CTTNBP2: variants seen among roughly 807,000 people sequenced by gnomAD.
CTTNBP2 encodes cortactin binding protein 2, also known as cortactin-binding protein 2.
CTTNBP2 carries 108 observed loss-of-function variants against 156.9 expected under a neutral mutation model. That is an observed-to-expected ratio of 0.69 (90% CI 0.59 to 0.81). The LOEUF is 0.81. CTTNBP2 is among the 30% of genes least tolerant of loss of function. The pLI is 0.00. For synonymous variants in CTTNBP2, 767 were observed against 751.8 expected (o/e 1.02, Z -0.33); for missense variants, 1,924 against 2,035.4 (o/e 0.95, Z 1.05).
intron 21 of CTTNBP2, 22 bp from the exon 22 acceptor site, chr7:117,718,141 C>T (rs751147042): frequency 2.7e-5 from 40 of 1,477,652 alleles, no homozygotes; most frequent in South Asian, 3.4e-5. Context: ...AGAATTTGCC[C>T]GGTCATGTCT....
intron 16 of CTTNBP2, among the ~76,000 whole-genome samples, chr7:117,729,482 C>T (rs1436338724): frequency 6.6e-6 from 1 of 152,020 alleles, no homozygotes; most frequent in Non-Finnish European, 1.5e-5. Flanking sequence ...GTGTGTATGC[C>T]TACTATGTAT....
chr7:117,860,498 A>T (rs950831236), intron 2 of CTTNBP2, among the ~76,000 whole-genome samples: 4 of 151,952 alleles, frequency 2.6e-5, no homozygotes, highest in Admixed American at 6.5e-5. Context: ...GCCCGCCACC[A>T]TGCCCGGCTA....
chr7:117,795,087 G>A (rs1168732349), intron 3 of CTTNBP2, among the ~76,000 whole-genome samples: 5 of 149,732 alleles, frequency 3.3e-5, no homozygotes, highest in Admixed American at 6.7e-5. Context: ...TAGTAGAGAC[G>A]GGGTTTCACC....
At chr7:117,771,394 C>T (rs1200868565) in intron 8 of CTTNBP2, among the ~76,000 whole-genome samples, 1 of 152,166 alleles carries the variant, frequency 6.6e-6, no homozygotes, top group East Asian at 1.9e-4. Context: ...TGCTGCTTTA[C>T]AGGGCTGGGG....
At chr7:117,795,617 G>A (rs1799273210) in intron 3 of CTTNBP2, among the ~76,000 whole-genome samples, 1 of 152,116 alleles carries the variant, frequency 6.6e-6, no homozygotes, top group African/African-American at 2.4e-5. Flanking sequence ...CTCACATCTT[G>A]TCCACAGTAA....
At chr7:117,765,215 C>T (rs1382527021) in intron 9 of CTTNBP2, among the ~76,000 whole-genome samples, 1 of 152,190 alleles carries the variant, frequency 6.6e-6, no homozygotes, top group Non-Finnish European at 1.5e-5. Context: ...GGATTACAGA[C>T]GTGAGCCACC....
At chr7:117,746,217 C>T (rs1796323422) in intron 12 of CTTNBP2, 118 bp from the exon 13 acceptor site, 1 of 690,814 alleles carries the variant, frequency 1.4e-6, no homozygotes, top group South Asian at 1.8e-5. Context: ...AGATTAAAAA[C>T]AATATTTTAG....
chr7:117,736,895 C>A (rs1161914746), intron 14 of CTTNBP2, among the ~76,000 whole-genome samples: 1 of 152,154 alleles, frequency 6.6e-6, no homozygotes, highest in South Asian at 2.1e-4. Flanking sequence ...TTGAGAGTAA[C>A]ATTACCAAAT....
chr7:117,728,145 T>C lies in CTTNBP2; in HGVS notation c.3999A>G (p.Gly1333=). 4 of 1,614,140 alleles carry C rather than the reference T, an allele frequency of 2.5e-6. No individual in the cohort carries two copies. Among genetic ancestry groups the C allele is most frequent in the Non-Finnish European group, 2.5e-6 (3 of 1,180,020 alleles). The change falls in exon 17 of 23, where the codon GGA becomes GGG. Residue 1333 remains glycine (G), a synonymous_variant. Transcript: ENST00000160373. ...CAGGACAAGACAGGAAATATTTTGG[T>C]CCAAGAAGTGCTTCAGGTGTGCCCA... ...ARLGTPEALL[G]PKYFLSCPVV... is the part of the protein sequence containing the mutation.
At chr7:117,726,563 GTTTTGTTCTAAACTATC>G (rs1223516796) in intron 17 of CTTNBP2, among the ~76,000 whole-genome samples, 2 of 152,198 alleles carry the variant, frequency 1.3e-5, no homozygotes, top group African/African-American at 4.8e-5. Flanking sequence ...CTGGTGTCAG[GTTTTGTTCTAAACTATC>G]TTTTCAGTCT....
At chr7:117,764,234 C>A (rs1797359695) in intron 9 of CTTNBP2, among the ~76,000 whole-genome samples, 1 of 152,188 alleles carries the variant, frequency 6.6e-6, no homozygotes, top group African/African-American at 2.4e-5. Flanking sequence ...CACAGGATTG[C>A]ATCAAAACTT....
intron 16 of CTTNBP2, among the ~76,000 whole-genome samples, chr7:117,733,118 A>G (rs1437248088): frequency 6.6e-6 from 1 of 152,198 alleles, no homozygotes; most frequent in Non-Finnish European, 1.5e-5. Context: ...AGAAATTGTG[A>G]TCAATTGCCA....
intron 14 of CTTNBP2, among the ~76,000 whole-genome samples, chr7:117,743,873 A>G (rs1796164324): frequency 6.6e-6 from 1 of 151,748 alleles, no homozygotes; most frequent in Admixed American, 6.6e-5. Flanking sequence ...TTCTGTAGCT[A>G]ACTTTCACTA....
chr7:117,796,704 A>G (rs1799341846), intron 3 of CTTNBP2, among the ~76,000 whole-genome samples: 1 of 152,250 alleles, frequency 6.6e-6, no homozygotes, highest in South Asian at 2.1e-4. Flanking sequence ...ATTATTTTAA[A>G]ATGTGTGTGT....
chr7:117,744,523 T>C (rs895324957), intron 14 of CTTNBP2, among the ~76,000 whole-genome samples: 1 of 152,222 alleles, frequency 6.6e-6, no homozygotes, highest in Admixed American at 6.5e-5. Flanking sequence ...CTCATTCTTT[T>C]TTTTATGGTC....
chr7:117,814,487 G>A lies in CTTNBP2; in HGVS notation c.190-3498C>T, dbSNP rs141402300. ...GCCACCCAGGCTGGAGTGCAGTGGC[G>A]TGATCACGGCTCACTGTAGCCTTGA... On this transcript the variant is annotated intron_variant, in intron 2 of 22. Transcript: ENST00000160373. Among the ~76,000 whole-genome samples, 1,133 of 152,220 alleles carry A rather than the reference G, an allele frequency of 7.4e-3. 12 individuals carry two copies. Among genetic ancestry groups the A allele is most frequent in the African/African-American group, 0.026 (1,090 of 41,528 alleles).
At chr7:117,817,175 A>C (rs1478435904) in intron 2 of CTTNBP2, among the ~76,000 whole-genome samples, 1 of 150,174 alleles carries the variant, frequency 6.7e-6, no homozygotes, top group Non-Finnish European at 1.5e-5. Context: ...TCTACTAAAA[A>C]CACAAAATAT....
intron 19 of CTTNBP2, among the ~76,000 whole-genome samples, chr7:117,722,345 A>G (rs1393941694): frequency 1.3e-5 from 2 of 152,106 alleles, no homozygotes; most frequent in Non-Finnish European, 2.9e-5. Flanking sequence ...ACCATTATAA[A>G]AATAACGAGA....
intron 3 of CTTNBP2, among the ~76,000 whole-genome samples, chr7:117,802,428 C>T (rs560954061): frequency 2.3e-4 from 27 of 117,322 alleles, no homozygotes; most frequent in Admixed American, 9.4e-4. Context: ...TTCTAGACTT[C>T]AGCATTGGCA....
Sources: gnomAD v4.1 joint callset for allele counts (sites outside exome capture counted in the v4.1 genomes callset) on GRCh38, gnomAD v4.1.1 for gene constraint, MANE v1.5 for transcripts, NCBI Gene and HGNC (gene_info 2026-07-23, HGNC 2026-07-21) for gene names.